SYNDIG1: variants seen among roughly 807,000 people sequenced by gnomAD.
The protein encoded by SYNDIG1 is synapse differentiation inducing 1, also known as synapse differentiation-inducing gene protein 1.
Under a neutral mutation model 19.4 loss-of-function variants are expected in SYNDIG1, and 9 were observed. That is an observed-to-expected ratio of 0.46 (90% confidence interval 0.28 to 0.81). SYNDIG1 has a LOEUF of 0.81. Ranked by LOEUF, SYNDIG1 falls within the 30% of genes least tolerant of loss-of-function variation. The pLI is 0.12. For missense variants in SYNDIG1, 311 were observed against 343.3 expected, an observed-to-expected ratio of 0.91 and a Z score of 0.74; for synonymous variants, 141 against 145.9, an observed-to-expected ratio of 0.97 and a Z score of 0.24.
intron 3 of SYNDIG1, among the ~76,000 whole-genome samples, chr20:24,660,299 G>A (rs935850406): frequency 7.9e-5 from 12 of 152,208 alleles, no homozygotes; most frequent in Admixed American, 7.2e-4. Context: ...GTATCTATAT[G>A]TTCAGCTATA....
intron 1 of SYNDIG1, among the ~76,000 whole-genome samples, chr20:24,501,973 G>A (rs1323168695): frequency 6.6e-6 from 1 of 152,248 alleles, no homozygotes; most frequent in Non-Finnish European, 1.5e-5. Flanking sequence ...CAAGCTAAGG[G>A]CCGAGAACGA....
chr20:24,520,199 CAA>C (rs2056975280), intron 1 of SYNDIG1, among the ~76,000 whole-genome samples: 1 of 151,554 alleles, frequency 6.6e-6, no homozygotes, highest in Non-Finnish European at 1.5e-5. Flanking sequence ...AAAACACTAA[CAA>C]AATATTGTGG....
chr20:24,519,839 GCA>G (rs148158255), intron 1 of SYNDIG1, among the ~76,000 whole-genome samples: 95 of 147,940 alleles, frequency 6.4e-4, no homozygotes, highest in African/African-American at 1.6e-3. Flanking sequence ...ACGCGCACAT[GCA>G]CACACACACA....
chr20:24,626,291 C>T (rs1427780834), intron 3 of SYNDIG1, among the ~76,000 whole-genome samples: 32 of 151,614 alleles, frequency 2.1e-4, no homozygotes, highest in African/African-American at 1.9e-4. Context: ...GGGTGGCAGC[C>T]GGGCGGAGGG....
chr20:24,633,523 C>G (rs566783033), intron 3 of SYNDIG1, among the ~76,000 whole-genome samples: 1 of 152,152 alleles, frequency 6.6e-6, no homozygotes. Flanking sequence ...TTGTTGAAAC[C>G]CTCTAAGTTG....
intron 1 of SYNDIG1, among the ~76,000 whole-genome samples, chr20:24,523,125 G>A (rs544658296): frequency 6.6e-6 from 1 of 152,188 alleles, no homozygotes; most frequent in Non-Finnish European, 1.5e-5. Flanking sequence ...CAGCTTACTG[G>A]CTATGAGTCA....
At chr20:24,475,715 A>T (rs2146204385) in intron 1 of SYNDIG1, among the ~76,000 whole-genome samples, 1 of 152,252 alleles carries the variant, frequency 6.6e-6, no homozygotes, top group Admixed American at 6.5e-5. Context: ...ACCAATCCTA[A>T]CCTAGTCTTG....
chr20:24,507,743 C>A (rs1180190826), intron 1 of SYNDIG1, among the ~76,000 whole-genome samples: 1 of 152,218 alleles, frequency 6.6e-6, no homozygotes, highest in Non-Finnish European at 1.5e-5. Context: ...GAGGCTCCTC[C>A]TCCATTTAAC....
intron 3 of SYNDIG1, among the ~76,000 whole-genome samples, chr20:24,641,904 A>G (rs137981144): frequency 1.9e-3 from 294 of 152,330 alleles, no homozygotes; most frequent in Middle Eastern, 0.014. Flanking sequence ...TGTATCCCTT[A>G]ACTGGTTTCT....
chr20:24,539,489 T>A (rs1188254329), intron 1 of SYNDIG1, among the ~76,000 whole-genome samples: 3 of 152,354 alleles, frequency 2.0e-5, no homozygotes, highest in Non-Finnish European at 4.4e-5. Context: ...ACTGTTTTGA[T>A]TCTAGTGCCA....
intron 1 of SYNDIG1, among the ~76,000 whole-genome samples, chr20:24,519,487 T>C (rs911755385): frequency 1.3e-5 from 2 of 152,218 alleles, no homozygotes; most frequent in Non-Finnish European, 2.9e-5. Flanking sequence ...GATTTTTAAA[T>C]AGATCATTTA....
intron 3 of SYNDIG1, among the ~76,000 whole-genome samples, chr20:24,613,045 T>C (rs750904870): frequency 2.0e-5 from 3 of 152,172 alleles, no homozygotes; most frequent in Non-Finnish European, 2.9e-5. Context: ...CACCGTGGGA[T>C]GGGGTGAAGG....
chr20:24,536,592 C>T (rs868376464), intron 1 of SYNDIG1, among the ~76,000 whole-genome samples: 6 of 152,254 alleles, frequency 3.9e-5, no homozygotes, highest in Middle Eastern at 3.4e-3. Flanking sequence ...CTCCGGGTTA[C>T]GCCTGCTTAC....
intron 1 of SYNDIG1, among the ~76,000 whole-genome samples, chr20:24,487,118 AG>A (rs1007544062): frequency 6.6e-6 from 1 of 152,086 alleles, no homozygotes; most frequent in African/African-American, 2.4e-5. Context: ...GGGCCACAGG[AG>A]GGAAGAAATG....
At chr20:24,481,041 A>G (rs907581863) in intron 1 of SYNDIG1, among the ~76,000 whole-genome samples, 1 of 151,900 alleles carries the variant, frequency 6.6e-6, no homozygotes, top group African/African-American at 2.4e-5. Context: ...GTTCTGGAGA[A>G]CCCTTGTGCA....
At chr20:24,562,753 G>A (rs2057970917) in intron 2 of SYNDIG1, among the ~76,000 whole-genome samples, 2 of 152,216 alleles carry the variant, frequency 1.3e-5, no homozygotes, top group South Asian at 4.1e-4. Context: ...TGGCTTCCAT[G>A]CCACTATGTA....
chr20:24,593,020 G>A (rs1728398989), intron 3 of SYNDIG1, among the ~76,000 whole-genome samples: 2 of 152,150 alleles, frequency 1.3e-5, no homozygotes, highest in Admixed American at 6.5e-5. Flanking sequence ...GAGGACTTCA[G>A]CTCAACGTCC....
intron 3 of SYNDIG1, among the ~76,000 whole-genome samples, chr20:24,611,647 G>A (rs2058850255): frequency 6.6e-6 from 1 of 151,916 alleles, no homozygotes; most frequent in South Asian, 2.1e-4. Context: ...ACCCCTCCAG[G>A]AGCCCCTCCT....
intron 1 of SYNDIG1, among the ~76,000 whole-genome samples, chr20:24,471,126 A>G (rs2055436040): frequency 1.3e-5 from 2 of 152,192 alleles, no homozygotes; most frequent in Middle Eastern, 6.8e-3. Flanking sequence ...TGTGCTGCGT[A>G]GACCTGCGCC....
Sources: allele counts gnomAD v4.1 joint callset (sites outside exome capture counted in the v4.1 genomes callset), GRCh38; gene constraint gnomAD v4.1.1; transcripts MANE v1.5; gene names NCBI Gene and HGNC (gene_info 2026-07-23, HGNC 2026-07-21).